The following DYM variants were observed in gnomAD, a reference collection of about 807,000 sequenced individuals.
DYM encodes dymeclin, also known as dyggve-Melchior-Clausen syndrome protein.
A neutral mutation model predicts 93.1 loss-of-function variants in DYM; 78 were observed. The observed-to-expected ratio is 0.84, with a 90% CI of 0.70 to 1.01. DYM has a LOEUF of 1.01. Ranked by LOEUF, DYM falls within the 50% of genes least tolerant of loss-of-function variation. The probability of loss-of-function intolerance (pLI) is 0.00; values close to 1 mark genes in which losing one functional copy is unlikely to be tolerated. For synonymous variants in DYM, 321 were observed against 319.7 expected (o/e 1.00, Z -0.04); for missense variants, 789 against 845.0 (o/e 0.93, Z 0.82).
chr18:49,390,498 A>AGCTCG (rs2069104314), intron 3 of DYM, among the ~76,000 whole-genome samples: 1 of 151,694 alleles, frequency 6.6e-6, no homozygotes, highest in African/African-American at 2.4e-5. Flanking sequence ...TTATCCATAC[A>AGCTCG]GCTCGATTTT....
intron 8 of DYM, among the ~76,000 whole-genome samples, chr18:49,291,687 A>C (rs1314605823): frequency 6.6e-6 from 1 of 152,192 alleles, no homozygotes; most frequent in Non-Finnish European, 1.5e-5. Flanking sequence ...GTTTCTGTTA[A>C]ATAATGTGCT....
chr18:49,247,682 T>C (rs2094201305), intron 13 of DYM, among the ~76,000 whole-genome samples: 1 of 152,250 alleles, frequency 6.6e-6, no homozygotes, highest in Admixed American at 6.5e-5. Context: ...ACATTTTGAA[T>C]GTGCCAGCAG....
At chr18:49,211,071 T>G (rs1249364376) in intron 13 of DYM, among the ~76,000 whole-genome samples, 2 of 152,158 alleles carry the variant, frequency 1.3e-5, no homozygotes. Flanking sequence ...GTCAGAAAAC[T>G]TAGAAATCCT....
intron 2 of DYM, chr18:49,413,235 T>C (rs1204588648): frequency 6.6e-6 from 1 of 152,198 alleles, no homozygotes; most frequent in Admixed American, 6.5e-5. Context: ...AAATTAAATC[T>C]GGTCCTTACT....
At chr18:49,388,398 T>C (rs1205806950) in intron 3 of DYM, among the ~76,000 whole-genome samples, 3 of 151,660 alleles carry the variant, frequency 2.0e-5, no homozygotes, top group Non-Finnish European at 4.4e-5. Context: ...AAATATCTCA[T>C]TGAAGGTCAG....
At chr18:49,128,112 G>A (rs1273866414) in intron 15 of DYM, among the ~76,000 whole-genome samples, 2 of 152,214 alleles carry the variant, frequency 1.3e-5, no homozygotes, top group Non-Finnish European at 2.9e-5. Flanking sequence ...CTAAAGCCAC[G>A]TTTTTCCACA....
intron 3 of DYM, among the ~76,000 whole-genome samples, chr18:49,386,735 G>A (rs981437938): frequency 1.3e-5 from 2 of 152,144 alleles, no homozygotes; most frequent in African/African-American, 4.8e-5. Flanking sequence ...AGTGAAGGGT[G>A]TAGTTTAGTC....
intron 8 of DYM, among the ~76,000 whole-genome samples, chr18:49,324,324 C>T (rs1358897835): frequency 6.6e-6 from 1 of 151,938 alleles, no homozygotes; most frequent in East Asian, 1.9e-4. Context: ...GAGTCTGCAT[C>T]AAATATTTTC....
At chr18:49,164,932 T>A (rs1444543241) in intron 14 of DYM, among the ~76,000 whole-genome samples, 1 of 152,168 alleles carries the variant, frequency 6.6e-6, no homozygotes, top group Non-Finnish European at 1.5e-5. Context: ...TACAGTTGAT[T>A]TACATTAAAT....
intron 2 of DYM, among the ~76,000 whole-genome samples, chr18:49,411,453 C>T (rs1259886561): frequency 6.6e-6 from 1 of 151,750 alleles, no homozygotes; most frequent in Non-Finnish European, 1.5e-5. Flanking sequence ...ATAGTGTGGT[C>T]GGGAAGCTAA....
chr18:49,386,762 A>C (rs9954969), intron 3 of DYM, among the ~76,000 whole-genome samples: 151,553 of 152,180 alleles, frequency 1, 75,469 homozygotes, highest in Middle Eastern at 1. Flanking sequence ...ATTAACATAA[A>C]CTCATTTTAC....
rs1020072204 is a variant in DYM, at chr18:49,176,330, T to C, written c.1626-12543A>G. 3.3e-5 allele frequency among the ~76,000 whole-genome samples: 5 copies of C among 152,270 alleles called. No homozygotes were observed. In the East Asian group the frequency reaches 9.7e-4, roughly 29 times the overall value. ...AGACTGAAATAAGAGAATCTAACAT[T>C]AGCTTAAAGACAATTATTTTCATTT... On this transcript the variant is annotated intron_variant, in intron 14 of 17. Transcript: ENST00000675505.
chr18:49,116,595 A>G (rs1427808814), intron 16 of DYM: 1 of 152,216 alleles, frequency 6.6e-6, no homozygotes, highest in Non-Finnish European at 1.5e-5. Flanking sequence ...GAATGGATAA[A>G]GGCCCTGCTT....
At chr18:49,437,052 T>C (rs1390568648) in intron 1 of DYM, among the ~76,000 whole-genome samples, 1 of 152,114 alleles carries the variant, frequency 6.6e-6, no homozygotes. Context: ...ACTAACAAAA[T>C]TTGTCAGATG....
intron 2 of DYM, among the ~76,000 whole-genome samples, chr18:49,426,790 T>TGA (rs1460132165): frequency 7.2e-6 from 1 of 139,510 alleles, no homozygotes; most frequent in East Asian, 2.0e-4. Context: ...TGTGTGTGTG[T>TGA]GAATTTACCC....
chr18:49,265,280 A>T (rs2094551673), intron 11 of DYM, among the ~76,000 whole-genome samples: 1 of 152,202 alleles, frequency 6.6e-6, no homozygotes, highest in Non-Finnish European at 1.5e-5. Context: ...ATCCTGCCTT[A>T]CCTGGCAGCA....
At chr18:49,271,983 A>C (rs1362093128) in intron 11 of DYM, among the ~76,000 whole-genome samples, 195 bp downstream of exon 11, 2 of 141,960 alleles carry the variant, frequency 1.4e-5, no homozygotes, top group Non-Finnish European at 3.1e-5. Context: ...GAGAGTTTTT[A>C]ATAGTGGTTA....
chr18:49,332,154 A>G, intron 7 of DYM, 148 bp from the exon 8 acceptor site: 1 of 808,238 alleles, frequency 1.2e-6, no homozygotes, highest in Non-Finnish European at 2.0e-6. Context: ...CACTGCACAC[A>G]ACAGTGAAGA....
intron 17 of DYM, among the ~76,000 whole-genome samples, chr18:49,070,631 C>T (rs1456860481): frequency 2.6e-5 from 4 of 152,128 alleles, no homozygotes; most frequent in Non-Finnish European, 4.4e-5. Flanking sequence ...GTAGAGAAGC[C>T]GTTTCTTTGA....
Sources: gnomAD v4.1 joint callset for allele counts (sites outside exome capture counted in the v4.1 genomes callset) on GRCh38, gnomAD v4.1.1 for gene constraint, MANE v1.5 for transcripts, NCBI Gene and HGNC (gene_info 2026-07-23, HGNC 2026-07-21) for gene names.